Variants in GOLIM4 observed in about 807,000 individuals in gnomAD.
The protein encoded by GOLIM4 is golgi integral membrane protein 4.
Under a neutral mutation model 107.4 loss-of-function variants are expected in GOLIM4, and 71 were observed. The observed-to-expected ratio is 0.66, with a 90% CI of 0.55 to 0.81. The LOEUF is 0.81. Ranked by LOEUF, GOLIM4 falls within the 30% of genes least tolerant of loss-of-function variation. The pLI is 0.00. For synonymous variants in GOLIM4, 327 were observed against 294.8 expected (o/e 1.11, Z -1.12); for missense variants, 830 against 826.1 (o/e 1.00, Z -0.06).
intron 1 of GOLIM4, among the ~76,000 whole-genome samples, chr3:168,079,482 G>C (rs1477317984): frequency 1.3e-5 from 2 of 152,128 alleles, no homozygotes; most frequent in Non-Finnish European, 2.9e-5. Context: ...CTCATTGCTG[G>C]TTATACAGTT....
At chr3:168,037,479 C>A (rs550223621) in intron 7 of GOLIM4, among the ~76,000 whole-genome samples, 2 of 152,000 alleles carry the variant, frequency 1.3e-5, no homozygotes, top group Non-Finnish European at 2.9e-5. Context: ...CACAAACACA[C>A]ACACATATAA....
intron 6 of GOLIM4, 141 bp downstream of exon 6, chr3:168,041,251 T>C: frequency 1.7e-6 from 1 of 576,148 alleles, no homozygotes; most frequent in East Asian, 2.8e-5. Flanking sequence ...GTAAAAATAT[T>C]AGGTACACTC....
intron 1 of GOLIM4, among the ~76,000 whole-genome samples, chr3:168,094,824 A>T (rs1490257917): frequency 6.6e-6 from 1 of 152,140 alleles, no homozygotes; most frequent in African/African-American, 2.4e-5. Context: ...CGGGTAAAGG[A>T]CTATCTGTGC....
At chr3:168,046,809 A>G (rs1312084799) in intron 3 of GOLIM4, 141 bp downstream of exon 3, 1 of 410,682 alleles carries the variant, frequency 2.4e-6, no homozygotes, top group African/African-American at 2.1e-5. Flanking sequence ...TGGCAGCCAA[A>G]AAAAAAAAAA....
intron 1 of GOLIM4, among the ~76,000 whole-genome samples, chr3:168,072,678 C>A (rs1455324274): frequency 4.6e-5 from 7 of 152,042 alleles, no homozygotes; most frequent in Admixed American, 4.6e-4. Flanking sequence ...CTTTTATATT[C>A]TTTTTATATA....
chr3:168,013,235 C>G (rs1026975497), intron 14 of GOLIM4, among the ~76,000 whole-genome samples: 6 of 151,316 alleles, frequency 4.0e-5, no homozygotes, highest in African/African-American at 1.2e-4. Context: ...GCAGGGGTTG[C>G]AATCCGAGTC....
chr3:168,053,213 A>C (rs146065046), intron 1 of GOLIM4, among the ~76,000 whole-genome samples: 4 of 152,344 alleles, frequency 2.6e-5, no homozygotes, highest in East Asian at 1.9e-4. Context: ...GGCAAAATGC[A>C]TATCTATGCA....
chr3:168,046,772 G>A (rs1719328158), intron 3 of GOLIM4, among the ~76,000 whole-genome samples, 178 bp downstream of exon 3: 1 of 149,056 alleles, frequency 6.7e-6, no homozygotes, highest in Non-Finnish European at 1.5e-5. Flanking sequence ...GTAAAGGTAA[G>A]TTTAAAGTCT....
rs775698757 is a variant in GOLIM4 at position 168,010,718 on chromosome 3, A to G, written c.1941+25T>C. ...ACACCCACAAACACTCAAGTGCTCA[A>G]TAGAAATATGTATCCCGGTCATACA... On this transcript the variant is annotated intron_variant, in intron 15 of 15. Coordinates refer to ENST00000470487, the MANE Select transcript of GOLIM4 (RefSeq NM_014498.5). The G allele has an allele frequency of 2.6e-6, 4 of 1,525,548 alleles. No individual in the cohort carries two copies. In the African/African-American group the frequency reaches 4.1e-5, roughly 16 times the overall value. 94.5% of individuals were successfully genotyped at this position (1,525,548 alleles called of 1,614,324 possible).
intron 1 of GOLIM4, among the ~76,000 whole-genome samples, chr3:168,087,625 T>A (rs746827127): frequency 6.6e-6 from 1 of 152,196 alleles, no homozygotes; most frequent in African/African-American, 2.4e-5. Flanking sequence ...AATCCCCATA[T>A]GACCCACCTA....
chr3:168,080,690 C>T (rs1353813567), intron 1 of GOLIM4, among the ~76,000 whole-genome samples: 1 of 152,164 alleles, frequency 6.6e-6, no homozygotes, highest in African/African-American at 2.4e-5. Flanking sequence ...AGCCCACACG[C>T]CCCATTCCAA....
At chr3:168,076,560 G>A (rs1191320785) in intron 1 of GOLIM4, among the ~76,000 whole-genome samples, 5 of 152,180 alleles carry the variant, frequency 3.3e-5, no homozygotes, top group Middle Eastern at 3.4e-3. Flanking sequence ...GCGTCGTGGC[G>A]CACACCTGTA....
rs1272985540 is a variant in GOLIM4, at chr3:168,047,007, A to T, written c.263-8T>A. On this transcript the variant is annotated splice_polypyrimidine_tract_variant and splice_region_variant and intron_variant, in intron 2 of 15. Coordinates refer to ENST00000470487, the MANE Select transcript of GOLIM4 (RefSeq NM_014498.5). Reference sequence around the variant, plus strand: ...ACTTATAAACAAGAAAATCTAGAAAATACAAGATGGAAAAAAACAGTGATA... The same window carrying T: ...ACTTATAAACAAGAAAATCTAGAAATTACAAGATGGAAAAAAACAGTGATA... 1 of 1,217,322 alleles carries T rather than the reference A, an allele frequency of 8.2e-7. No homozygotes were observed. The highest frequency in any genetic ancestry group is 1.4e-5 in the South Asian group (1 of 72,138). 75.4% of individuals were successfully genotyped at this position (1,217,322 alleles called of 1,614,324 possible).
intron 4 of GOLIM4, 79 bp downstream of exon 4, chr3:168,044,749 C>A: frequency 1.3e-6 from 1 of 780,646 alleles, no homozygotes; most frequent in Non-Finnish European, 2.1e-6. Flanking sequence ...TTTCTTTAAT[C>A]ACTTTAAAGG....
intron 1 of GOLIM4, among the ~76,000 whole-genome samples, chr3:168,086,224 T>C (rs568361668): frequency 1.3e-5 from 2 of 152,246 alleles, no homozygotes; most frequent in Non-Finnish European, 2.9e-5. Context: ...AGATTTCTAA[T>C]ATTAATATTA....
chr3:168,040,435 G>C (rs1271053810), intron 7 of GOLIM4, among the ~76,000 whole-genome samples: 1 of 152,154 alleles, frequency 6.6e-6, no homozygotes, highest in East Asian at 1.9e-4. Flanking sequence ...GTAGCTAGCA[G>C]CATAAAATCC....
At position 168,010,752 on chromosome 3, in the gene GOLIM4, A is replaced by G; in HGVS notation, c.1932T>C (p.Asn644=). The G allele has an allele frequency of 3.7e-6, 6 of 1,607,112 alleles. No individual in the cohort carries two copies. Among genetic ancestry groups the G allele is most frequent in the Non-Finnish European group, 5.1e-6 (6 of 1,174,112 alleles). Residue 644 remains asparagine, a synonymous_variant, in exon 15 of 16, where the codon AAT becomes AAC. Coordinates refer to ENST00000470487, the MANE Select transcript of GOLIM4 (RefSeq NM_014498.5). ...TGTATCCCGGTCATACATTTTCATC[A>G]TTTTCACCATAGGTCTCTTCAGCAT... ...EHNAEETYGE[N]DENTDDKNND... is the part of the protein sequence containing the mutation.
chr3:168,092,411 A>T (rs1255133820), intron 1 of GOLIM4, among the ~76,000 whole-genome samples: 1 of 152,184 alleles, frequency 6.6e-6, no homozygotes, highest in Non-Finnish European at 1.5e-5. Flanking sequence ...GGGCTCTTCT[A>T]CAATAAAACT....
intron 1 of GOLIM4, among the ~76,000 whole-genome samples, chr3:168,080,428 A>G (rs955352998): frequency 1.2e-4 from 18 of 152,328 alleles, no homozygotes; most frequent in African/African-American, 4.3e-4. Context: ...ATTTAAATTC[A>G]TGAAAATTAA....
Sources: allele counts gnomAD v4.1 joint callset (sites outside exome capture counted in the v4.1 genomes callset), GRCh38; gene constraint gnomAD v4.1.1; transcripts MANE v1.5; gene names NCBI Gene and HGNC (gene_info 2026-07-23, HGNC 2026-07-21).